PTPRG: variants seen among roughly 807,000 people sequenced by gnomAD.
PTPRG encodes receptor-type tyrosine-protein phosphatase gamma.
PTPRG carries 102 observed loss-of-function variants against 165.3 expected under a neutral mutation model. The observed-to-expected ratio is 0.62, with a 90% CI of 0.53 to 0.73. The LOEUF (loss-of-function observed/expected upper bound fraction) is 0.73. Ranked by LOEUF, PTPRG falls within the 30% of genes least tolerant of loss-of-function variation. The pLI is 0.00. For synonymous variants in PTPRG, 675 were observed against 669.5 expected (o/e 1.01, Z -0.13); for missense variants, 1,866 against 1,861.4 (o/e 1.00, Z -0.05).
chr3:61,571,467 G>GT (rs958477733), intron 1 of PTPRG, among the ~76,000 whole-genome samples: 2 of 152,176 alleles, frequency 1.3e-5, no homozygotes, highest in Admixed American at 1.3e-4. Context: ...TGAACACTGG[G>GT]TGGAATAAAG....
intron 2 of PTPRG, among the ~76,000 whole-genome samples, chr3:61,819,759 T>G (rs905396056): frequency 6.6e-6 from 1 of 152,110 alleles, no homozygotes; most frequent in Admixed American, 6.5e-5. Flanking sequence ...CAACAGAGGG[T>G]ACAAAATGTT....
intron 2 of PTPRG, among the ~76,000 whole-genome samples, chr3:61,888,195 A>G (rs1396589813): frequency 6.8e-6 from 1 of 146,884 alleles, no homozygotes; most frequent in African/African-American, 2.5e-5. Context: ...TAATTTTTAA[A>G]TCTTTGTGTG....
intron 4 of PTPRG, among the ~76,000 whole-genome samples, chr3:62,024,815 A>T (rs2041770382): frequency 6.6e-6 from 1 of 152,226 alleles, no homozygotes; most frequent in Non-Finnish European, 1.5e-5. Flanking sequence ...ACTTGACTTC[A>T]TAGTGCTTGG....
Position 62,198,134 on chromosome 3 carries a change from T to C in PTPRG, c.1327+2964T>C, listed in dbSNP as rs1238220100. On this transcript the variant is annotated intron_variant, in intron 10 of 29. Coordinates refer to ENST00000474889, the MANE Select transcript of PTPRG (RefSeq NM_002841.4). ...TGTATGTAACATTGCAATAAATATG[T>C]TTACCTTACTGTGGAAAATATAACA... 2.6e-5 allele frequency among the ~76,000 whole-genome samples: 4 copies of C among 152,320 alleles called. No individual in the cohort carries two copies. The East Asian group carries it at 5.8e-4, about 22-fold the overall frequency.
chr3:62,158,067 A>G (rs1040234103), intron 7 of PTPRG, among the ~76,000 whole-genome samples: 1 of 152,142 alleles, frequency 6.6e-6, no homozygotes, highest in African/African-American at 2.4e-5. Flanking sequence ...CTTCCTTCTG[A>G]GTGTGGACTG....
At chr3:61,920,167 C>G (rs1027687298) in intron 2 of PTPRG, among the ~76,000 whole-genome samples, 1 of 152,206 alleles carries the variant, frequency 6.6e-6, no homozygotes, top group South Asian at 2.1e-4. Context: ...CTCTCCCTCA[C>G]TTGTGAAAGA....
intron 1 of PTPRG, among the ~76,000 whole-genome samples, chr3:61,661,855 A>T (rs1343186613): frequency 6.6e-6 from 1 of 152,242 alleles, no homozygotes; most frequent in Non-Finnish European, 1.5e-5. Flanking sequence ...TTACCTGTCA[A>T]GAAACACCAC....
At chr3:62,292,815 T>G in intron 29 of PTPRG, 1 of 490,820 alleles carries the variant, frequency 2.0e-6, no homozygotes, top group South Asian at 3.6e-5. Flanking sequence ...TCAGTAGTGC[T>G]CAGGTTGAGA....
At chr3:62,179,506 G>T (rs1451516653) in intron 8 of PTPRG, among the ~76,000 whole-genome samples, 3 of 152,220 alleles carry the variant, frequency 2.0e-5, no homozygotes, top group Non-Finnish European at 4.4e-5. Flanking sequence ...ACCAGGAAAG[G>T]CTTGCCAGAA....
intron 2 of PTPRG, among the ~76,000 whole-genome samples, chr3:61,936,278 T>G (rs1330207165): frequency 6.6e-6 from 1 of 152,240 alleles, no homozygotes; most frequent in Non-Finnish European, 1.5e-5. Flanking sequence ...ACAATTACCC[T>G]GTGGGACAGG....
chr3:62,027,910 C>A (rs1699623233), intron 4 of PTPRG, among the ~76,000 whole-genome samples: 1 of 152,142 alleles, frequency 6.6e-6, no homozygotes, highest in Non-Finnish European at 1.5e-5. Flanking sequence ...AAAATCACAT[C>A]ACTTGTTGGA....
chr3:61,801,086 G>T (rs2035226728), intron 2 of PTPRG, among the ~76,000 whole-genome samples: 1 of 152,142 alleles, frequency 6.6e-6, no homozygotes. Flanking sequence ...TTCCTGGTAA[G>T]GTAAAAAGTG....
chr3:61,979,662 A>G (rs192470830), intron 2 of PTPRG, among the ~76,000 whole-genome samples: 1 of 152,348 alleles, frequency 6.6e-6, no homozygotes, highest in East Asian at 1.9e-4. Flanking sequence ...AGTTAAAATC[A>G]AGTATTCACA....
intron 2 of PTPRG, among the ~76,000 whole-genome samples, chr3:61,898,838 C>T (rs1575764745): frequency 2.0e-5 from 3 of 152,324 alleles, no homozygotes; most frequent in Admixed American, 1.3e-4. Flanking sequence ...ATTAATCTGA[C>T]TTGAGCCTTG....
intron 5 of PTPRG, among the ~76,000 whole-genome samples, chr3:62,101,413 G>A (rs746736171): frequency 6.6e-6 from 1 of 152,202 alleles, no homozygotes; most frequent in Non-Finnish European, 1.5e-5. Flanking sequence ...TCTATACCAT[G>A]CCAAAGAATA....
At chr3:61,891,029 A>AT (rs1167807248) in intron 2 of PTPRG, among the ~76,000 whole-genome samples, 4 of 152,142 alleles carry the variant, frequency 2.6e-5, no homozygotes, top group African/African-American at 7.2e-5. Context: ...ATGTTTAAAA[A>AT]TTTTTTAAGG....
At chr3:61,972,226 T>C (rs1170035177) in intron 2 of PTPRG, among the ~76,000 whole-genome samples, 1 of 152,240 alleles carries the variant, frequency 6.6e-6, no homozygotes, top group Non-Finnish European at 1.5e-5. Context: ...AGAAAAATGC[T>C]GATCATGTTC....
At chr3:61,817,973 A>C (rs973395963) in intron 2 of PTPRG, among the ~76,000 whole-genome samples, 2 of 152,194 alleles carry the variant, frequency 1.3e-5, no homozygotes, top group African/African-American at 4.8e-5. Flanking sequence ...CAAGGTTCAG[A>C]TAACAGTGTG....
Position 62,195,154 on chromosome 3 carries a change from G to A in PTPRG, c.1311G>A (p.Gln437=). ...CRNDMRSDFS[Q]TMLFQANTTR... is the part of the protein sequence containing the mutation. ...ACGACATGCGCAGCGACTTTAGCCAGACGATGCTGTTTCAAGGTGAGGCTG... is the reference window on the plus strand; with the variant it reads ...ACGACATGCGCAGCGACTTTAGCCAAACGATGCTGTTTCAAGGTGAGGCTG... The change falls in exon 10 of 30, where the codon CAG becomes CAA. Residue 437 remains glutamine, a synonymous_variant. Coordinates refer to ENST00000474889, the MANE Select transcript of PTPRG (RefSeq NM_002841.4). This position sits in a 1 kb window ranked among gnomAD's most constrained non-coding sequence, Gnocchi z 4.4. 1 of 1,614,198 alleles carries A rather than the reference G, an allele frequency of 6.2e-7. No individual in the cohort carries two copies. The highest frequency in any genetic ancestry group is 8.5e-7 in the Non-Finnish European group (1 of 1,180,022).
Sources: allele counts gnomAD v4.1 joint callset (sites outside exome capture counted in the v4.1 genomes callset), GRCh38; gene constraint gnomAD v4.1.1; non-coding constraint Gnocchi (gnomAD v3.1); transcripts MANE v1.5; gene names NCBI Gene and HGNC (gene_info 2026-07-23, HGNC 2026-07-21).